Variants in ANKS1B observed in about 807,000 individuals in gnomAD.
ANKS1B encodes ankyrin repeat and sterile alpha motif domain containing 1B.
A neutral mutation model predicts 148.3 loss-of-function variants in ANKS1B; 36 were observed. That is an observed-to-expected ratio of 0.24 (90% confidence interval 0.19 to 0.32). The LOEUF (loss-of-function observed/expected upper bound fraction) is 0.32. Among genes scored for constraint, ANKS1B ranks in the 10% least tolerant of loss-of-function variants. The pLI, the probability that ANKS1B is intolerant of heterozygous loss-of-function variation, is 1.00. For synonymous variants in ANKS1B, 542 were observed against 560.8 expected, an observed-to-expected ratio of 0.97 and a Z score of 0.47; for missense variants, 1,157 against 1,542.6, an observed-to-expected ratio of 0.75 and a Z score of 4.19.
intron 9 of ANKS1B, among the ~76,000 whole-genome samples, chr12:99,554,790 G>A (rs971713270): frequency 3.3e-5 from 5 of 152,218 alleles, no homozygotes; most frequent in South Asian, 4.1e-4. Flanking sequence ...AAATTATTTT[G>A]TCATCCAGGT....
intron 1 of ANKS1B, among the ~76,000 whole-genome samples, chr12:99,912,205 G>A (rs2094026542): frequency 6.6e-6 from 1 of 152,200 alleles, no homozygotes; most frequent in Admixed American, 6.5e-5. Flanking sequence ...GTCTGGTAAA[G>A]ACTCTAGATA....
intron 1 of ANKS1B, among the ~76,000 whole-genome samples, chr12:99,945,539 T>G (rs1156437): frequency 0.32 from 48,328 of 151,894 alleles, 8,045 homozygotes; most frequent in Middle Eastern, 0.4. Context: ...CAAATTAAGG[T>G]GGATATATTT....
intron 4 of ANKS1B, among the ~76,000 whole-genome samples, chr12:99,791,387 G>C (rs982181454): frequency 6.6e-6 from 1 of 151,690 alleles, no homozygotes; most frequent in African/African-American, 2.4e-5. Flanking sequence ...AAAATCAACA[G>C]ATAAACATTG....
intron 8 of ANKS1B, among the ~76,000 whole-genome samples, chr12:99,672,648 G>A (rs2098543487): frequency 6.6e-6 from 1 of 152,102 alleles, no homozygotes; most frequent in Admixed American, 6.6e-5. Flanking sequence ...ATCATTCAGT[G>A]GACAGCACCT....
At chr12:98,794,314 C>T (rs558761898) in intron 22 of ANKS1B, among the ~76,000 whole-genome samples, 3 of 144,468 alleles carry the variant, frequency 2.1e-5, no homozygotes, top group African/African-American at 7.7e-5. Context: ...ATCACTTGAA[C>T]CCAGGAGGTG....
intron 22 of ANKS1B, among the ~76,000 whole-genome samples, chr12:98,784,041 G>C (rs1325718406): frequency 6.6e-6 from 1 of 152,240 alleles, no homozygotes; most frequent in Non-Finnish European, 1.5e-5. Flanking sequence ...ATCTGCTATG[G>C]AAGATGAATG....
At chr12:98,875,471 T>C (rs1317567860) in intron 17 of ANKS1B, among the ~76,000 whole-genome samples, 1 of 152,198 alleles carries the variant, frequency 6.6e-6, no homozygotes, top group African/African-American at 2.4e-5. Context: ...CACTCTGGCC[T>C]GAAGCCCTTC....
intron 9 of ANKS1B, among the ~76,000 whole-genome samples, chr12:99,577,629 T>C (rs892239054): frequency 6.6e-6 from 1 of 151,842 alleles, no homozygotes; most frequent in Non-Finnish European, 1.5e-5. Flanking sequence ...AAGAAATGTA[T>C]AAATTCCTGG....
chr12:99,559,960 A>C (rs1263172602), intron 9 of ANKS1B, among the ~76,000 whole-genome samples: 1 of 152,240 alleles, frequency 6.6e-6, no homozygotes, highest in African/African-American at 2.4e-5. Context: ...TAATTGTAGA[A>C]GACAACATAC....
At chr12:99,376,969 C>A (rs1408967889) in intron 12 of ANKS1B, among the ~76,000 whole-genome samples, 1 of 151,460 alleles carries the variant, frequency 6.6e-6, no homozygotes, top group Admixed American at 6.6e-5. Context: ...TCTAAGACAA[C>A]CTGCACCTTA....
At chr12:99,131,251 T>C (rs576531095) in intron 15 of ANKS1B, among the ~76,000 whole-genome samples, 15 of 152,354 alleles carry the variant, frequency 9.8e-5, no homozygotes, top group African/African-American at 3.6e-4. Context: ...AATTATTATC[T>C]TGCACGAGAT....
intron 9 of ANKS1B, among the ~76,000 whole-genome samples, chr12:99,558,142 A>C (rs906224112): frequency 1.3e-5 from 2 of 152,240 alleles, no homozygotes; most frequent in Non-Finnish European, 2.9e-5. Context: ...CATTCATGCC[A>C]GCAGTGCAGT....
intron 25 of ANKS1B, among the ~76,000 whole-genome samples, chr12:98,768,716 A>G (rs997560337): frequency 6.7e-6 from 1 of 148,556 alleles, no homozygotes; most frequent in African/African-American, 2.5e-5. Flanking sequence ...CTTGGGCGAC[A>G]GAGCGAGACT....
chr12:99,792,880 CA>C (rs1246940523), intron 4 of ANKS1B, among the ~76,000 whole-genome samples: 1 of 151,858 alleles, frequency 6.6e-6, no homozygotes, highest in African/African-American at 2.4e-5. Context: ...AAAGGGCATC[CA>C]AATTGGAAAG....
chr12:99,684,315 C>T (rs369310175), intron 8 of ANKS1B, among the ~76,000 whole-genome samples: 3 of 145,934 alleles, frequency 2.1e-5, no homozygotes, highest in Admixed American at 1.4e-4. Flanking sequence ...TATACACCAA[C>T]AGTGACCAAG....
rs542958356 is a variant in ANKS1B, at chr12:99,453,047, T to G, written c.1439-9238A>C. Reference sequence around the variant, plus strand: ...GGCTCACGCCTGTAATCCTAGCACTTTGGGAGGCCAAGGTGGGCGGATCAC... The same window carrying G: ...GGCTCACGCCTGTAATCCTAGCACTGTGGGAGGCCAAGGTGGGCGGATCAC... On this transcript the variant is annotated intron_variant, in intron 10 of 26. Coordinates refer to ENST00000683438, the MANE Select transcript of ANKS1B (RefSeq NM_001352186.2). Among the ~76,000 whole-genome samples, 3 of 152,250 alleles carry G rather than the reference T, an allele frequency of 2.0e-5. No individual in the cohort carries two copies. In the East Asian group the frequency reaches 5.8e-4, roughly 29 times the overall value.
At chr12:98,968,169 T>C (rs1333113604) in intron 17 of ANKS1B, among the ~76,000 whole-genome samples, 2 of 152,200 alleles carry the variant, frequency 1.3e-5, no homozygotes, top group African/African-American at 2.4e-5. Context: ...CTGGCAGTGA[T>C]CTTTCATAAG....
chr12:99,373,882 G>A (rs1252217504), intron 12 of ANKS1B, among the ~76,000 whole-genome samples: 1 of 152,072 alleles, frequency 6.6e-6, no homozygotes, highest in Non-Finnish European at 1.5e-5. Context: ...GCCTAAGAAT[G>A]ACTTAGAACT....
At position 99,170,026 on chromosome 12, in the gene ANKS1B, C is replaced by A. The variant is rs940787892; in HGVS notation, c.2420-15631G>T. ...TACTTTGTTGTTGTTTATTCTCCTT[C>A]CCCCCTTCACCTTACATTCATTATT... On this transcript the variant is annotated intron_variant, in intron 14 of 26. Coordinates refer to ENST00000683438, the MANE Select transcript of ANKS1B (RefSeq NM_001352186.2). Among the ~76,000 whole-genome samples the A allele has an allele frequency of 3.9e-5, 6 of 152,296 alleles. No individual in the cohort carries two copies. The East Asian group carries it at 1.2e-3, about 29-fold the overall frequency.
Sources: allele counts gnomAD v4.1 joint callset (sites outside exome capture counted in the v4.1 genomes callset), GRCh38; gene constraint gnomAD v4.1.1; transcripts MANE v1.5; gene names NCBI Gene and HGNC (gene_info 2026-07-23, HGNC 2026-07-21).